Variants in MTFR1L observed in about 807,000 individuals in gnomAD.
The protein encoded by MTFR1L is mitochondrial fission regulator 1 like.
In MTFR1L, 10 loss-of-function variants were observed where a neutral mutation model predicts 27.9. The observed-to-expected ratio is 0.36, with a 90% confidence interval of 0.22 to 0.61. The LOEUF (loss-of-function observed/expected upper bound fraction) is 0.61, where lower values mean the gene tolerates loss of function less well. MTFR1L is among the 20% of genes least tolerant of loss of function. The probability of loss-of-function intolerance (pLI) is 0.73; values close to 1 mark genes in which losing one functional copy is unlikely to be tolerated. For synonymous variants in MTFR1L, 151 were observed against 139.4 expected (o/e 1.08, Z -0.58); for missense variants, 315 against 363.7 (o/e 0.87, Z 1.09).
intron 6 of MTFR1L, among the ~76,000 whole-genome samples, chr1:25,830,212 G>A (rs1424821281): frequency 6.6e-6 from 1 of 152,176 alleles, no homozygotes; most frequent in Non-Finnish European, 1.5e-5. Context: ...ATCTCAAATT[G>A]GTAGACTTTT....
chr1:25,828,209 CATTAT>C (rs1483704716), intron 5 of MTFR1L, among the ~76,000 whole-genome samples: 1 of 152,150 alleles, frequency 6.6e-6, no homozygotes, highest in Non-Finnish European at 1.5e-5. Context: ...AGTTTCATGA[CATTAT>C]GTTATGTTTT....
At chr1:25,825,659 TATAAAAAGCTAGTCAGGA>T (rs1253343704) in intron 3 of MTFR1L, 3 of 152,246 alleles carry the variant, frequency 2.0e-5, no homozygotes, top group Non-Finnish European at 4.4e-5. Context: ...TATACAGGAT[TATAAAAAGCTAGTCAGGA>T]AAAATTTCCT....
chr1:25,823,536 TC>T (rs1158888176), intron 2 of MTFR1L, 107 bp from the exon 3 acceptor site: 46 of 1,515,326 alleles, frequency 3.0e-5, no homozygotes, highest in Admixed American at 3.9e-5. Flanking sequence ...GAGTGCCCTG[TC>T]CCTAGGTTTG....
intron 1 of MTFR1L, chr1:25,821,529 G>GAC (rs1406523371): frequency 6.6e-6 from 1 of 152,310 alleles, no homozygotes; most frequent in East Asian, 1.9e-4. Flanking sequence ...TGAAGTGAAT[G>GAC]ACACCTCGTC....
chr1:25,820,728 G>T, intron 1 of MTFR1L: 1 of 436,970 alleles, frequency 2.3e-6, no homozygotes, highest in Admixed American at 2.6e-5. Flanking sequence ...CTTGGGGGCG[G>T]GGGTGACAGC....
At chr1:25,825,059 CT>C (rs1356731242) in intron 3 of MTFR1L, among the ~76,000 whole-genome samples, 1 of 152,284 alleles carries the variant, frequency 6.6e-6, no homozygotes, top group Admixed American at 6.5e-5. Flanking sequence ...CAAATGGAGG[CT>C]TCCCCCAAAT....
At position 25,832,025 on chromosome 1, in the gene MTFR1L, G is replaced by C; in HGVS notation, c.878G>C (p.Ter293SerextTer29). The C allele has an allele frequency of 6.2e-7, 1 of 1,614,144 alleles. No homozygotes were observed. The highest frequency in any genetic ancestry group is 8.5e-7 in the Non-Finnish European group (1 of 1,180,020). Residue 293 changes from the stop codon to serine (S), a stop_lost, in exon 7 of 7, where the codon TGA (stop) becomes TCA (serine). Transcript: ENST00000374303. ...KEEDISRKGN[*>S] ...GAAGATATCAGTAGAAAAGGAAATT[G>C]ACAACCCTCAGCTCTGCAAACTCAG...
At chr1:25,831,786 C>T (rs1168455379) in intron 6 of MTFR1L, 135 bp from the exon 7 acceptor site, 3 of 821,126 alleles carry the variant, frequency 3.7e-6, no homozygotes, top group Non-Finnish European at 6.0e-6. Flanking sequence ...CTTCAATTTC[C>T]TTATCTGTGA....
rs1230926828 is a variant in MTFR1L at position 25,826,531 on chromosome 1, ACTC to A, written c.240-83_240-81del. Reference sequence around the variant, plus strand: ...GAGAGGAGCAGAACCTTACTATACTACTCTCACAGAAGTGGGGGAAGGAACCTT... The same window carrying A: ...GAGAGGAGCAGAACCTTACTATACTATCACAGAAGTGGGGGAAGGAACCTT... On this transcript the variant is annotated intron_variant, in intron 4 of 6. Transcript: ENST00000374303. The surrounding 1 kb of genome is among the most constrained non-coding windows in gnomAD (Gnocchi z 4.1). The A allele has an allele frequency of 6.4e-7, 1 of 1,571,800 alleles. No individual in the cohort carries two copies. Among genetic ancestry groups the A allele is most frequent in the East Asian group, 2.2e-5 (1 of 44,624 alleles).
In MTFR1L at chr1:25,825,076, A is replaced by AT. The variant is rs559435077; in HGVS notation, c.130-1222dup. 1.0e-3 allele frequency among the ~76,000 whole-genome samples: 157 copies of AT among 152,334 alleles called. 1 individual carries two copies. Among genetic ancestry groups the AT allele is most frequent in the African/African-American group, 3.5e-3 (145 of 41,582 alleles). On this transcript the variant is annotated intron_variant, in intron 3 of 6. Transcript: ENST00000374303. ...AATGGAGGCTTCCCCCAAATGCCCT[A>AT]TTTTAGCACTAGTTCCTGGGTCACT...
chr1:25,821,853 T>C (rs1330830365), intron 1 of MTFR1L: 4 of 152,318 alleles, frequency 2.6e-5, no homozygotes, highest in East Asian at 1.9e-4. Context: ...GCTAGAAGTA[T>C]GTATTCATGT....
intron 1 of MTFR1L, 55 bp downstream of exon 1, chr1:25,820,084 A>T (rs1276880694): frequency 4.7e-6 from 2 of 426,178 alleles, no homozygotes; most frequent in Non-Finnish European, 9.2e-6. Flanking sequence ...CCAGCCCGTT[A>T]GTAGACTGGG....
At position 25,829,646 on chromosome 1, in the gene MTFR1L, G is replaced by A. The variant is rs1245404877; in HGVS notation, c.589G>A (p.Val197Ile). The A allele has an allele frequency of 1.2e-6, 2 of 1,614,170 alleles. No homozygotes were observed. Among genetic ancestry groups the A allele is most frequent in the Admixed American group, 1.7e-5 (1 of 60,022 alleles). ...CATCACCGAGGAGACAGAGGTGGAG[G>A]TCCCTGAGCTTCCATCAGTCCCCCT... Reference protein sequence around the residue: ...SDITEETEVEVPELPSVPLLC... With the variant: ...SDITEETEVEIPELPSVPLLC... The change falls in exon 6 of 7, where the codon GTC becomes ATC. Residue 197 changes from valine to isoleucine, a missense_variant. Coordinates refer to ENST00000374303, the MANE Select transcript of MTFR1L (RefSeq NM_001099625.2).
intron 6 of MTFR1L, among the ~76,000 whole-genome samples, chr1:25,830,389 A>G (rs1883161): frequency 0.75 from 113,613 of 152,192 alleles, 43,256 homozygotes; most frequent in East Asian, 0.98. Flanking sequence ...TTTGTTAAAA[A>G]TACACCTTTA....
At position 25,832,363 on chromosome 1, in the gene MTFR1L, A is replaced by G. The variant is rs1418104253; in HGVS notation, c.*337A>G. On this transcript the variant is annotated 3_prime_UTR_variant, in exon 7 of 7. Coordinates refer to ENST00000374303, the MANE Select transcript of MTFR1L (RefSeq NM_001099625.2). ...TAAATGACTGACTTCACTGCATTAGACCCTATAGCTGGTCTCACAAGACAC... is the reference window on the plus strand; with the variant it reads ...TAAATGACTGACTTCACTGCATTAGGCCCTATAGCTGGTCTCACAAGACAC... The G allele has an allele frequency of 1.7e-6, 1 of 593,912 alleles. No homozygotes were observed. Among genetic ancestry groups the G allele is most frequent in the Non-Finnish European group, 3.0e-6 (1 of 337,566 alleles). The allele number at this position is 593,912 out of a possible 1,614,324, so 36.8% of individuals were successfully genotyped here. A position where few individuals can be genotyped will look rare whatever the true frequency, so the allele number is the denominator to read the frequency against.
At chr1:25,823,572 G>C (rs1192814858) in intron 2 of MTFR1L, 72 bp from the exon 3 acceptor site, 4 of 1,572,138 alleles carry the variant, frequency 2.5e-6, no homozygotes, top group Non-Finnish European at 2.6e-6. Flanking sequence ...CACAAACCTA[G>C]AGAGGAGAGG....
intron 6 of MTFR1L, among the ~76,000 whole-genome samples, chr1:25,831,630 A>ATACTT (rs2048241997): frequency 6.6e-6 from 1 of 151,932 alleles, no homozygotes; most frequent in African/African-American, 2.4e-5. Context: ...TACTTTGCCC[A>ATACTT]TACTTTATAG....
Position 25,832,184 on chromosome 1 carries a change from A to G in MTFR1L, c.*158A>G, listed in dbSNP as rs2048253995. 6.5e-7 allele frequency: 1 copy of G among 1,540,784 alleles called. No individual in the cohort carries two copies. Among genetic ancestry groups the G allele is most frequent in the Non-Finnish European group, 8.7e-7 (1 of 1,147,674 alleles). On this transcript the variant is annotated 3_prime_UTR_variant, in exon 7 of 7. Coordinates refer to ENST00000374303, the MANE Select transcript of MTFR1L (RefSeq NM_001099625.2). ...CTGAAAGAGAAGAGCTGGATTATAT[A>G]TTTCCCAGACTTCAAACCCTAGCAG...
Position 25,827,183 on chromosome 1 carries a change from C to G in MTFR1L, c.451+357C>G, listed in dbSNP as rs187472836. ...AGTGAGTCTTGCTCTGTCGCCCAGG[C>G]TGGAAGTGCAGTGGCACGATCTTAG... On this transcript the variant is annotated intron_variant, in intron 5 of 6. Coordinates refer to ENST00000374303, the MANE Select transcript of MTFR1L (RefSeq NM_001099625.2). Among the ~76,000 whole-genome samples the G allele has an allele frequency of 7.9e-5, 12 of 152,064 alleles. No individual in the cohort carries two copies. In the East Asian group the frequency reaches 2.3e-3, roughly 29 times the overall value.
Sources: allele counts gnomAD v4.1 joint callset (sites outside exome capture counted in the v4.1 genomes callset), GRCh38; gene constraint gnomAD v4.1.1; non-coding constraint Gnocchi (gnomAD v3.1); transcripts MANE v1.5; gene names NCBI Gene and HGNC (gene_info 2026-07-23, HGNC 2026-07-21).